The following SLC16A12 variants were observed in gnomAD, a reference collection of about 807,000 sequenced individuals.
SLC16A12 encodes the protein monocarboxylate transporter 12.
A neutral mutation model predicts 42.4 loss-of-function variants in SLC16A12; 17 were observed. The ratio of observed to expected loss-of-function variants is 0.40; its 90% confidence interval spans 0.27 to 0.60. The LOEUF is 0.60. SLC16A12 is among the 20% of genes least tolerant of loss of function. The pLI, the probability that SLC16A12 is intolerant of heterozygous loss-of-function variation, is 0.42. For synonymous variants in SLC16A12, 224 were observed against 229.4 expected, an observed-to-expected ratio of 0.98 and a Z score of 0.21; for missense variants, 544 against 623.0, an observed-to-expected ratio of 0.87 and a Z score of 1.35.
chr10:89,554,781 G>C (rs1843799092), intron 2 of SLC16A12, among the ~76,000 whole-genome samples: 1 of 152,184 alleles, frequency 6.6e-6, no homozygotes, highest in South Asian at 2.1e-4. Context: ...CTCAACAGCA[G>C]GCCCCAGCTG....
intron 3 of SLC16A12, among the ~76,000 whole-genome samples, chr10:89,458,243 C>A (rs1300858167): frequency 6.6e-6 from 1 of 152,178 alleles, no homozygotes; most frequent in East Asian, 1.9e-4. Flanking sequence ...GCCCATATAC[C>A]TCTGGCCAAA....
intron 2 of SLC16A12, among the ~76,000 whole-genome samples, chr10:89,483,622 T>C (rs1349260832): frequency 6.6e-6 from 1 of 151,806 alleles, no homozygotes; most frequent in African/African-American, 2.4e-5. Flanking sequence ...ACCTACTTAA[T>C]AGGCTAAGGC....
At position 89,493,465 on chromosome 10, in the gene SLC16A12, C is replaced by A. The variant is rs7894197; in HGVS notation, c.-46-30841G>T. Among the ~76,000 whole-genome samples the A allele has an allele frequency of 6.2e-3, 945 of 152,282 alleles. 12 individuals carry two copies. The highest frequency in any genetic ancestry group is 0.022 in the African/African-American group (913 of 41,558). On this transcript the variant is annotated intron_variant, in intron 2 of 7. Transcript: ENST00000371790. ...CTTGAACTCCCAACCTCAGGTAATC[C>A]GCCCACTTTGGCCTCCCAAATGAAT...
chr10:89,529,809 A>C (rs964075439), intron 2 of SLC16A12, among the ~76,000 whole-genome samples: 11 of 152,106 alleles, frequency 7.2e-5, no homozygotes, highest in African/African-American at 2.7e-4. Context: ...CAACCTCCCA[A>C]AGTGCTGGAA....
At chr10:89,538,611 T>TC (rs1242066961), upstream of SLC16A12, among the ~76,000 whole-genome samples, 1 of 152,084 alleles carries the variant, frequency 6.6e-6, no homozygotes, top group Non-Finnish European at 1.5e-5. Context: ...AGTCAGAACT[T>TC]CATCTGTCTA....
At chr10:89,519,613 C>G (rs1433532131) in intron 2 of SLC16A12, among the ~76,000 whole-genome samples, 1 of 151,582 alleles carries the variant, frequency 6.6e-6, no homozygotes, top group African/African-American at 2.4e-5. Context: ...TTCAGATGCA[C>G]AAGTTTAGCT....
chr10:89,446,385 C>T (rs550502804), intron 3 of SLC16A12, among the ~76,000 whole-genome samples: 41 of 152,286 alleles, frequency 2.7e-4, no homozygotes, highest in African/African-American at 9.6e-4. Flanking sequence ...CAAAGGGAAG[C>T]CCATCAGACT....
chr10:89,526,361 A>C (rs907810559), intron 2 of SLC16A12, among the ~76,000 whole-genome samples: 1 of 152,212 alleles, frequency 6.6e-6, no homozygotes, highest in Non-Finnish European at 1.5e-5. Flanking sequence ...CTGGGGAGAC[A>C]TATAACTTGA....
chr10:89,527,610 A>T (rs1237067085), intron 2 of SLC16A12, among the ~76,000 whole-genome samples: 1 of 151,712 alleles, frequency 6.6e-6, no homozygotes, highest in Non-Finnish European at 1.5e-5. Flanking sequence ...AGCCTGGAAA[A>T]ACATAGTAAG....
intron 2 of SLC16A12, among the ~76,000 whole-genome samples, chr10:89,533,104 G>C (rs1843584779): frequency 6.6e-6 from 1 of 151,700 alleles, no homozygotes; most frequent in Non-Finnish European, 1.5e-5. Flanking sequence ...TAAAATGTCA[G>C]CTCATAAAAG....
At chr10:89,514,691 G>A (rs1843218319) in intron 2 of SLC16A12, among the ~76,000 whole-genome samples, 1 of 152,146 alleles carries the variant, frequency 6.6e-6, no homozygotes, top group Non-Finnish European at 1.5e-5. Context: ...ATCACATTGG[G>A]GGTGACAATG....
At chr10:89,537,201 G>A (rs1379470457), upstream of SLC16A12, among the ~76,000 whole-genome samples, 6 of 144,660 alleles carry the variant, frequency 4.1e-5, no homozygotes, top group African/African-American at 1.5e-4. Flanking sequence ...TTCTAAAGAA[G>A]GGATTTCACT....
chr10:89,523,158 T>C (rs982826398), intron 2 of SLC16A12, among the ~76,000 whole-genome samples: 3 of 152,180 alleles, frequency 2.0e-5, no homozygotes, highest in African/African-American at 7.2e-5. Flanking sequence ...CTCATGTGTC[T>C]CTTTTCTTGA....
At chr10:89,452,581 G>A (rs766274601) in intron 3 of SLC16A12, among the ~76,000 whole-genome samples, 4 of 152,142 alleles carry the variant, frequency 2.6e-5, no homozygotes, top group Admixed American at 6.5e-5. Flanking sequence ...TTTTGAGCAA[G>A]GGGCCCTGTA....
intron 2 of SLC16A12, among the ~76,000 whole-genome samples, chr10:89,500,788 C>G (rs1334734482): frequency 6.6e-6 from 1 of 152,086 alleles, no homozygotes; most frequent in Non-Finnish European, 1.5e-5. Flanking sequence ...GAAGTCCTAG[C>G]CAGAGAAATC....
chr10:89,433,056 G>A lies in SLC16A12; in HGVS notation c.*8C>T, dbSNP rs370488340. ...AAACCTGAAGATTCTGGGGCTCAAG[G>A]CCTTTGGTCATGTGAGGCTGTAGCC... On this transcript the variant is annotated 3_prime_UTR_variant, in exon 8 of 8. Coordinates refer to ENST00000371790, the MANE Select transcript of SLC16A12 (RefSeq NM_213606.4). 1 of 1,614,044 alleles carries A rather than the reference G, an allele frequency of 6.2e-7. No homozygotes were observed. Among genetic ancestry groups the A allele is most frequent in the Non-Finnish European group, 8.5e-7 (1 of 1,179,998 alleles).
chr10:89,548,296 G>A (rs1012375277), intron 2 of SLC16A12, among the ~76,000 whole-genome samples: 2 of 152,100 alleles, frequency 1.3e-5, no homozygotes, highest in Non-Finnish European at 2.9e-5. Context: ...AGAAAGAAAA[G>A]GTAGCAGCAT....
Position 89,495,881 on chromosome 10 carries a change from G to A in SLC16A12, c.-46-33257C>T, listed in dbSNP as rs367783194. ...ATCAAAAATCAAAATGTGAAAAACA[G>A]TTTCTACTGAATGTGTATTTCTTTG... On this transcript the variant is annotated intron_variant, in intron 2 of 7. Transcript: ENST00000371790. Among the ~76,000 whole-genome samples the A allele has an allele frequency of 1.1e-4, 16 of 152,240 alleles. No individual in the cohort carries two copies. The East Asian group carries it at 2.5e-3, about 24-fold the overall frequency.
At chr10:89,493,536 C>T (rs1842879227) in intron 2 of SLC16A12, among the ~76,000 whole-genome samples, 2 of 152,170 alleles carry the variant, frequency 1.3e-5, no homozygotes, top group Admixed American at 1.3e-4. Context: ...CTGTCACTTG[C>T]ACCCTAAAGT....
Sources: gnomAD v4.1 joint callset for allele counts (sites outside exome capture counted in the v4.1 genomes callset) on GRCh38, gnomAD v4.1.1 for gene constraint, MANE v1.5 for transcripts, NCBI Gene and HGNC (gene_info 2026-07-23, HGNC 2026-07-21) for gene names.